Variants in ARHGAP36 observed in about 807,000 individuals in gnomAD.
ARHGAP36 encodes the protein Rho GTPase activating protein 36, also known as rho GTPase-activating protein 36.
A neutral mutation model predicts 32.9 loss-of-function variants in ARHGAP36; 7 were observed. That is an observed-to-expected ratio of 0.21 (90% CI 0.12 to 0.40). The LOEUF is 0.40. ARHGAP36 is among the 10% of genes least tolerant of loss of function. The probability of loss-of-function intolerance (pLI) is 1.00; values close to 1 mark genes in which losing one functional copy is unlikely to be tolerated. For synonymous variants in ARHGAP36, 165 were observed against 168.3 expected (o/e 0.98, Z 0.15); for missense variants, 383 against 442.2 (o/e 0.87, Z 1.20).
Position 131,089,500 on chromosome X carries a change from C to T in ARHGAP36, c.*715C>T, listed in dbSNP as rs1463299154. ...TTAGAGGAAAATTTAGATTTTATTG[C>T]CTGGATCTGCTTTAAAGACAATTGG... On this transcript the variant is annotated 3_prime_UTR_variant, in exon 12 of 12. Transcript: ENST00000276211. 3 of 112,965 alleles carry T rather than the reference C, an allele frequency of 2.7e-5. No homozygotes were observed. Among genetic ancestry groups the T allele is most frequent in the Non-Finnish European group, 3.7e-5 (2 of 53,406 alleles). The allele number at this position is 112,965 out of a possible 1,213,427, so 9.3% of individuals were successfully genotyped here.
At chrX:131,072,098 T>C (rs1425445609) in intron 1 of ARHGAP36, among the ~76,000 whole-genome samples, 1 of 111,453 alleles carries the variant, frequency 9.0e-6, no homozygotes, top group East Asian at 2.8e-4. Flanking sequence ...GTAAGATGGT[T>C]TGGGCTGGTG....
At chrX:131,087,868 C>G (rs2079843322) in intron 11 of ARHGAP36, among the ~76,000 whole-genome samples, 1 of 111,520 alleles carries the variant, frequency 9.0e-6, no homozygotes, top group South Asian at 3.9e-4. Flanking sequence ...CTAAGGATGC[C>G]CAGATTTACA....
intron 1 of ARHGAP36, among the ~76,000 whole-genome samples, chrX:131,071,170 G>GAA (rs1358957210): frequency 5.5e-5 from 6 of 109,833 alleles, no homozygotes; most frequent in African/African-American, 2.0e-4. Context: ...AGAAGACAGA[G>GAA]AGAGAGAGAG....
At chrX:131,066,991 G>A (rs1201899876) in intron 1 of ARHGAP36, among the ~76,000 whole-genome samples, 1 of 111,977 alleles carries the variant, frequency 8.9e-6, no homozygotes, top group African/African-American at 3.2e-5. Context: ...GCCGTTCAGA[G>A]TTTAAAAAGG....
intron 7 of ARHGAP36, 122 bp downstream of exon 7, chrX:131,085,186 G>T (rs911939475): frequency 1.4e-6 from 1 of 711,986 alleles, no homozygotes; most frequent in Non-Finnish European, 1.9e-6. Flanking sequence ...ACCATAAGAA[G>T]ATTTTAAAAA....
chrX:131,083,575 G>A (rs766853099), intron 3 of ARHGAP36, 159 bp from the exon 4 acceptor site: 11 of 544,634 alleles, frequency 2.0e-5, no homozygotes, highest in Non-Finnish European at 2.8e-5. Context: ...CCACTGCGGG[G>A]TCTTTTTGGC....
At chrX:131,086,460 T>C (rs755060104) in intron 10 of ARHGAP36, 34 bp downstream of exon 10, 1 of 1,199,220 alleles carries the variant, frequency 8.3e-7, no homozygotes, top group African/African-American at 1.8e-5. Flanking sequence ...ATGCTTAGCC[T>C]GAAGTACCTC....
At position 131,083,721 on chromosome X, in the gene ARHGAP36, C is replaced by T. The variant is rs1156547900; in HGVS notation, c.320-13C>T. On this transcript the variant is annotated splice_polypyrimidine_tract_variant and intron_variant, in intron 3 of 11. Coordinates refer to ENST00000276211, the MANE Select transcript of ARHGAP36 (RefSeq NM_144967.4). ...CTTTGACGTTTCTCATTCTTTCTCT[C>T]GTGGCTCCCCAGCTGTATCACACAA... 1.7e-6 allele frequency: 2 copies of T among 1,200,844 alleles called. No individual in the cohort carries two copies. Among genetic ancestry groups the T allele is most frequent in the Admixed American group, 2.2e-5 (1 of 46,002 alleles).
intron 7 of ARHGAP36, 103 bp from the exon 8 acceptor site, chrX:131,085,485 C>A (rs1225800613): frequency 3.0e-6 from 3 of 1,009,137 alleles, no homozygotes; most frequent in Admixed American, 6.1e-5. Flanking sequence ...TGGGTACTTT[C>A]TCCATAACTG....
intron 6 of ARHGAP36, 114 bp downstream of exon 6, chrX:131,084,795 G>T (rs1409668511): frequency 1.7e-6 from 2 of 1,154,442 alleles, no homozygotes; most frequent in Non-Finnish European, 2.3e-6. Context: ...CTTCTTTGTA[G>T]CCCCCAGGCC....
chrX:131,062,231 C>A, intron 1 of ARHGAP36, among the ~76,000 whole-genome samples: 1 of 111,779 alleles, frequency 8.9e-6, no homozygotes, highest in African/African-American at 3.3e-5. Flanking sequence ...AGAAAGAAAT[C>A]GACAATAAGA....
Position 131,084,623 on chromosome X carries a change from C to T in ARHGAP36, c.749-3C>T. 1.7e-6 allele frequency: 2 copies of T among 1,211,365 alleles called. No homozygotes were observed. Among genetic ancestry groups the T allele is most frequent in the Non-Finnish European group, 2.2e-6 (2 of 895,291 alleles). The stretch of plus-strand genomic sequence containing the variant: ...CTTAGCATCCCCTGGTCTTTTCTTT[C>T]AGGCTTAAGCGCAGTGGGGATTTTT... On this transcript the variant is annotated splice_polypyrimidine_tract_variant and splice_region_variant and intron_variant, in intron 5 of 11. Transcript: ENST00000276211.
At chrX:131,075,579 A>G (rs1341511744) in intron 1 of ARHGAP36, among the ~76,000 whole-genome samples, 1 of 104,485 alleles carries the variant, frequency 9.6e-6, no homozygotes, top group African/African-American at 3.6e-5. Flanking sequence ...ATACACACAC[A>G]CATATATAAA....
intron 1 of ARHGAP36, among the ~76,000 whole-genome samples, chrX:131,074,755 C>T (rs2079752346): frequency 1.8e-5 from 2 of 111,789 alleles, no homozygotes; most frequent in African/African-American, 3.3e-5. Flanking sequence ...AGGGCAGGAA[C>T]AAGGGCTTTC....
chrX:131,069,271 G>T (rs1371820520), intron 1 of ARHGAP36, among the ~76,000 whole-genome samples: 2 of 111,810 alleles, frequency 1.8e-5, no homozygotes, highest in Non-Finnish European at 3.8e-5. Flanking sequence ...CTGTGGAGAT[G>T]GACAGCAAGG....
At chrX:131,061,702 G>A (rs1045909389) in intron 1 of ARHGAP36, among the ~76,000 whole-genome samples, 2 of 111,194 alleles carry the variant, frequency 1.8e-5, no homozygotes, top group African/African-American at 6.6e-5. Flanking sequence ...CTCCAAGTCA[G>A]GTCGTCAGAT....
At chrX:131,086,174 G>A (rs1388692764) in intron 9 of ARHGAP36, 85 bp downstream of exon 9, 3 of 1,140,703 alleles carry the variant, frequency 2.6e-6, no homozygotes, top group African/African-American at 1.8e-5. Context: ...CATCTTTGAG[G>A]GTAGCCAAAA....
intron 1 of ARHGAP36, among the ~76,000 whole-genome samples, chrX:131,063,446 A>T (rs1198920858): frequency 4.5e-5 from 5 of 111,719 alleles, no homozygotes; most frequent in Non-Finnish European, 9.4e-5. Context: ...AGGCTCCAGG[A>T]TTTCCACAGA....
chrX:131,076,453 C>G (rs2079763322), intron 1 of ARHGAP36, among the ~76,000 whole-genome samples: 1 of 112,114 alleles, frequency 8.9e-6, no homozygotes, highest in Admixed American at 9.4e-5. Flanking sequence ...TTTCACCATC[C>G]TGAGCCTGAG....
Sources: allele counts gnomAD v4.1 joint callset (sites outside exome capture counted in the v4.1 genomes callset), GRCh38; gene constraint gnomAD v4.1.1; transcripts MANE v1.5; gene names NCBI Gene and HGNC (gene_info 2026-07-23, HGNC 2026-07-21).